Variants in ANO3 observed in about 807,000 individuals in gnomAD.
ANO3 encodes the protein anoctamin-3.
Under a neutral mutation model 144.8 loss-of-function variants are expected in ANO3, and 99 were observed. The ratio of observed to expected loss-of-function variants is 0.68; its 90% CI spans 0.58 to 0.81. The LOEUF (loss-of-function observed/expected upper bound fraction) is 0.81, where lower values mean the gene tolerates loss of function less well. ANO3 is among the 30% of genes least tolerant of loss of function. The pLI is 0.00. For synonymous variants in ANO3, 414 were observed against 392.6 expected (o/e 1.05, Z -0.64); for missense variants, 905 against 1,202.2 (o/e 0.75, Z 3.66).
chr11:26,547,436 T>C lies in ANO3; in HGVS notation c.1175T>C (p.Ile392Thr), dbSNP rs1189228990. The part of the protein sequence containing the change: ...DLIRLYFGEK[I>T]GLYFAWLGWY... Reference sequence around the variant, plus strand: ...TGCAGGCTATACTTTGGTGAGAAGATTGGACTATACTTTGCTTGGCTGGGA... The same window carrying C: ...TGCAGGCTATACTTTGGTGAGAAGACTGGACTATACTTTGCTTGGCTGGGA... Residue 392 changes from isoleucine to threonine, a missense_variant, in exon 12 of 27, where the codon ATT becomes ACT. Transcript: ENST00000256737. 4 of 1,611,830 alleles carry C rather than the reference T, an allele frequency of 2.5e-6. No individual in the cohort carries two copies. Among genetic ancestry groups the C allele is most frequent in the Non-Finnish European group, 3.4e-6 (4 of 1,178,408 alleles).
chr11:26,621,756 T>C (rs892244216), intron 17 of ANO3, among the ~76,000 whole-genome samples: 2 of 152,170 alleles, frequency 1.3e-5, no homozygotes, highest in African/African-American at 4.8e-5. Context: ...GCACTAGAAA[T>C]TTATAATGAA....
chr11:26,244,026 A>C (rs1852724695), intron 1 of ANO3, among the ~76,000 whole-genome samples: 1 of 151,616 alleles, frequency 6.6e-6, no homozygotes, highest in Admixed American at 6.6e-5. Context: ...CTGAGGCAGG[A>C]GAATCACTTG....
intron 1 of ANO3, among the ~76,000 whole-genome samples, chr11:26,347,290 A>G (rs1855521429): frequency 6.6e-6 from 1 of 152,228 alleles, no homozygotes; most frequent in Non-Finnish European, 1.5e-5. Flanking sequence ...CCTGCCACAG[A>G]GCTGGCAGCT....
Position 26,469,758 on chromosome 11 carries a change from A to G in ANO3, c.432+6610A>G, listed in dbSNP as rs181832369. Among the ~76,000 whole-genome samples the G allele has an allele frequency of 1.9e-4, 29 of 152,082 alleles. No individual in the cohort carries two copies. The East Asian group carries it at 4.9e-3, about 26-fold the overall frequency. ...ATACTGGAAAATATATATATGCCAG[A>G]AGAATGGCTAATATTCTTAATTCAC... On this transcript the variant is annotated intron_variant, in intron 4 of 26. Transcript: ENST00000256737.
chr11:26,536,532 T>C (rs1385257592), intron 9 of ANO3, among the ~76,000 whole-genome samples: 1 of 151,990 alleles, frequency 6.6e-6, no homozygotes, highest in Non-Finnish European at 1.5e-5. Flanking sequence ...TAAGTTTATA[T>C]ATATGTATAT....
At chr11:26,642,403 G>A (rs1400251628) in intron 22 of ANO3, among the ~76,000 whole-genome samples, 1 of 138,456 alleles carries the variant, frequency 7.2e-6, no homozygotes, top group Non-Finnish European at 1.5e-5. Flanking sequence ...CCAGGCTGGA[G>A]TGCAGTGGCA....
chr11:26,314,136 C>G (rs1291793148), intron 1 of ANO3, among the ~76,000 whole-genome samples: 3 of 151,976 alleles, frequency 2.0e-5, no homozygotes, highest in Admixed American at 6.6e-5. Context: ...TATACCAGGC[C>G]TTGAAATGGA....
intron 14 of ANO3, chr11:26,565,985 T>A: frequency 8.0e-7 from 1 of 1,243,628 alleles, no homozygotes; most frequent in Non-Finnish European, 1.1e-6. Flanking sequence ...GATAAAAATC[T>A]AGACATAATA....
intron 1 of ANO3, among the ~76,000 whole-genome samples, chr11:26,338,332 C>T (rs547673355): frequency 2.6e-5 from 4 of 152,258 alleles, no homozygotes; most frequent in East Asian, 1.9e-4. Flanking sequence ...ACGCACCAAT[C>T]GGCATTCTGT....
intron 3 of ANO3, 138 bp downstream of exon 3, chr11:26,443,974 C>A: frequency 6.2e-6 from 3 of 486,750 alleles, no homozygotes; most frequent in South Asian, 4.7e-5. Context: ...GTATAATATT[C>A]TGAGGTTAAG....
intron 16 of ANO3, 136 bp downstream of exon 16, chr11:26,599,134 TAAAC>T (rs1158836954): frequency 1.4e-5 from 13 of 909,874 alleles, no homozygotes; most frequent in South Asian, 3.2e-5. Context: ...CACGTACAAT[TAAAC>T]AAACAAATCA....
rs564507998 is a variant in ANO3 at position 26,190,562 on chromosome 11, TGATA to T, written c.154+1234_154+1237del. 1.9e-3 allele frequency among the ~76,000 whole-genome samples: 295 copies of T among 152,314 alleles called. 1 individual carries two copies. The highest frequency in any genetic ancestry group is 6.6e-3 in the African/African-American group (274 of 41,582). On this transcript the variant is annotated intron_variant, in intron 1 of 27. Coordinates refer to the ANO3 transcript ENST00000672621. ...TTAGAAAAATAGTTTAATAAAAAAT[TGATA>T]GTTTAAATATTCATGTCTTTTTCAC... is the stretch of plus-strand genomic sequence containing the variant.
Position 26,592,052 on chromosome 11 carries a change from T to C in ANO3, c.1448-6313T>C, listed in dbSNP as rs192954874. 1.1e-3 allele frequency among the ~76,000 whole-genome samples: 162 copies of C among 152,294 alleles called. 4 individuals carry two copies. The highest frequency in any genetic ancestry group is 4.3e-4 in the Non-Finnish European group (29 of 68,018). ...TCCCTCCTCTCAGGGACAGGTTCCC[T>C]GTAATGTTTTAAGAACTTGTTGACA... On this transcript the variant is annotated intron_variant, in intron 14 of 26. Transcript: ENST00000256737.
chr11:26,365,517 C>G (rs771754642), intron 1 of ANO3, among the ~76,000 whole-genome samples: 2 of 152,218 alleles, frequency 1.3e-5, no homozygotes, highest in Non-Finnish European at 2.9e-5. Flanking sequence ...GATATCCATC[C>G]TTTCTCATAA....
intron 4 of ANO3, among the ~76,000 whole-genome samples, chr11:26,472,829 G>A (rs1034535769): frequency 5.3e-5 from 8 of 151,956 alleles, no homozygotes; most frequent in South Asian, 2.1e-4. Flanking sequence ...AACCTCACCA[G>A]TCAATCAAAA....
chr11:26,627,868 T>C (rs1230810242), intron 18 of ANO3, among the ~76,000 whole-genome samples: 1 of 149,046 alleles, frequency 6.7e-6, no homozygotes, highest in East Asian at 2.0e-4. Context: ...CCTGACATTA[T>C]GTTCTGTTTA....
chr11:26,615,394 TTATATA>T (rs201511864), intron 17 of ANO3, among the ~76,000 whole-genome samples: 1 of 128,902 alleles, frequency 7.8e-6, no homozygotes, highest in South Asian at 2.8e-4. Flanking sequence ...TTCTGTCAGT[TTATATA>T]TATATATATA....
At chr11:26,231,701 C>T (rs901690333) in intron 1 of ANO3, among the ~76,000 whole-genome samples, 8 of 152,144 alleles carry the variant, frequency 5.3e-5, no homozygotes, top group Admixed American at 1.3e-4. Flanking sequence ...CAATTTCAAA[C>T]TGAATAAAAT....
At chr11:26,370,267 C>G (rs1166384566) in intron 1 of ANO3, among the ~76,000 whole-genome samples, 1 of 152,158 alleles carries the variant, frequency 6.6e-6, no homozygotes, top group African/African-American at 2.4e-5. Flanking sequence ...TTCGCCTTCG[C>G]TCAGCTCTCA....
Sources: gnomAD v4.1 joint callset for allele counts (sites outside exome capture counted in the v4.1 genomes callset) on GRCh38, gnomAD v4.1.1 for gene constraint, MANE v1.5 for transcripts, NCBI Gene and HGNC (gene_info 2026-07-23, HGNC 2026-07-21) for gene names.